The following STK32B variants were observed in gnomAD, a reference collection of about 807,000 sequenced individuals.
The protein encoded by STK32B is serine/threonine-protein kinase 32B.
In STK32B, 43 loss-of-function variants were observed where a neutral mutation model predicts 52.6. The observed-to-expected ratio is 0.82, with a 90% CI of 0.64 to 1.05. The LOEUF (loss-of-function observed/expected upper bound fraction) is 1.05, where lower values mean the gene tolerates loss of function less well. STK32B is among the 50% of genes least tolerant of loss of function. STK32B has a pLI of 0.00. For synonymous variants in STK32B, 238 were observed against 204.3 expected (o/e 1.17, Z -1.41); for missense variants, 621 against 534.6 (o/e 1.16, Z -1.59).
intron 3 of STK32B, among the ~76,000 whole-genome samples, chr4:5,328,020 C>T (rs1325250915): frequency 2.0e-5 from 3 of 152,162 alleles, no homozygotes; most frequent in African/African-American, 4.8e-5. Context: ...CTGGAGATGG[C>T]GTCTTTTCTT....
At chr4:5,422,279 T>C (rs1212107866) in intron 6 of STK32B, among the ~76,000 whole-genome samples, 2 of 152,196 alleles carry the variant, frequency 1.3e-5, no homozygotes, top group Non-Finnish European at 2.9e-5. Context: ...AAGTCAAATC[T>C]TGCAGCTCCT....
intron 4 of STK32B, among the ~76,000 whole-genome samples, chr4:5,379,317 C>T (rs1163183257): frequency 6.6e-6 from 1 of 152,124 alleles, no homozygotes; most frequent in Non-Finnish European, 1.5e-5. Flanking sequence ...ATGGCCCACA[C>T]TCTCCAGCAG....
chr4:5,407,902 G>T (rs1737783307), intron 5 of STK32B, among the ~76,000 whole-genome samples: 1 of 152,118 alleles, frequency 6.6e-6, no homozygotes, highest in African/African-American at 2.4e-5. Flanking sequence ...ATTAGGTCAT[G>T]AGGGTGGAAC....
intron 1 of STK32B, among the ~76,000 whole-genome samples, chr4:5,098,680 T>C (rs1713533658): frequency 6.6e-6 from 1 of 152,232 alleles, no homozygotes; most frequent in South Asian, 2.1e-4. Flanking sequence ...ATGATTCTAA[T>C]ATCCAGTTTC....
At chr4:5,356,388 G>A (rs191257631) in intron 4 of STK32B, among the ~76,000 whole-genome samples, 23 of 152,220 alleles carry the variant, frequency 1.5e-4, no homozygotes, top group African/African-American at 5.5e-4. Flanking sequence ...AATACGCTAT[G>A]TCCAAATAAG....
chr4:5,150,586 T>C (rs1316378864), intron 2 of STK32B, among the ~76,000 whole-genome samples: 1 of 150,848 alleles, frequency 6.6e-6, no homozygotes, highest in Non-Finnish European at 1.5e-5. Context: ...TTTTTTTTTC[T>C]TAACTGGACT....
chr4:5,141,951 C>A (rs1178853162), intron 2 of STK32B, among the ~76,000 whole-genome samples: 1 of 151,338 alleles, frequency 6.6e-6, no homozygotes, highest in South Asian at 2.1e-4. Context: ...AGAAGGACTT[C>A]CCCCCTGGAA....
chr4:5,213,019 A>G (rs1352188095), intron 3 of STK32B, among the ~76,000 whole-genome samples: 1 of 152,198 alleles, frequency 6.6e-6, no homozygotes, highest in East Asian at 1.9e-4. Flanking sequence ...ATCAGCATGA[A>G]TTCACTTAGT....
At chr4:5,367,917 G>C (rs2109007502) in intron 4 of STK32B, among the ~76,000 whole-genome samples, 1 of 152,180 alleles carries the variant, frequency 6.6e-6, no homozygotes, top group Non-Finnish European at 1.5e-5. Context: ...TCGCCGCCCA[G>C]GGGTGGCTTA....
At chr4:5,405,089 A>T (rs1168171394) in intron 5 of STK32B, among the ~76,000 whole-genome samples, 1 of 151,562 alleles carries the variant, frequency 6.6e-6, no homozygotes, top group African/African-American at 2.4e-5. Flanking sequence ...GATGGTCTCA[A>T]TCTCTTGACC....
rs1189389456 is a variant in STK32B at position 5,500,144 on chromosome 4, A to ATGTT, written c.*1062_*1065dup. On this transcript the variant is annotated 3_prime_UTR_variant, in exon 12 of 12. Transcript: ENST00000282908. Reference sequence around the variant, plus strand: ...GAGAAGCTTGCCTTTGAACTGGAAGATGTTGGGATGAGCAGGGAAAGCTTA... The same window carrying ATGTT: ...GAGAAGCTTGCCTTTGAACTGGAAGATGTTTGTTGGGATGAGCAGGGAAAGCTTA... 6.6e-6 allele frequency: 1 copy of ATGTT among 152,212 alleles called. No individual in the cohort carries two copies. Among genetic ancestry groups the ATGTT allele is most frequent in the Admixed American group, 6.5e-5 (1 of 15,280 alleles). The allele number at this position is 152,212 out of a possible 1,614,324, so 9.4% of individuals were successfully genotyped here.
chr4:5,164,561 C>T (rs555413779), intron 2 of STK32B, among the ~76,000 whole-genome samples: 1 of 152,352 alleles, frequency 6.6e-6, no homozygotes, highest in East Asian at 1.9e-4. Flanking sequence ...TTATTTCTCC[C>T]AGTTCTAGAG....
chr4:5,312,229 A>C (rs1212909659), intron 3 of STK32B, among the ~76,000 whole-genome samples: 2 of 150,250 alleles, frequency 1.3e-5, no homozygotes, highest in South Asian at 4.2e-4. Flanking sequence ...TTTTTCTAGA[A>C]GCTTTATGGT....
intron 2 of STK32B, among the ~76,000 whole-genome samples, chr4:5,158,539 T>G (rs3890337): frequency 0.22 from 34,175 of 152,098 alleles, 4,827 homozygotes; most frequent in East Asian, 0.31. Context: ...GATCCTCTTT[T>G]AAAACAGCTC....
chr4:5,063,406 G>A (rs918432864), intron 1 of STK32B, among the ~76,000 whole-genome samples: 3 of 151,976 alleles, frequency 2.0e-5, no homozygotes, highest in Non-Finnish European at 2.9e-5. Context: ...GCAGTGGTGC[G>A]ATCTTGGCTC....
intron 3 of STK32B, among the ~76,000 whole-genome samples, chr4:5,175,983 C>T (rs187533714): frequency 6.6e-5 from 10 of 152,228 alleles, no homozygotes; most frequent in South Asian, 4.1e-4. Context: ...TGTTTACCTA[C>T]GCAAGCCTTG....
intron 2 of STK32B, among the ~76,000 whole-genome samples, chr4:5,161,262 G>A (rs1349183810): frequency 2.0e-5 from 3 of 152,200 alleles, no homozygotes; most frequent in African/African-American, 7.2e-5. Context: ...GCCCACATGG[G>A]ATTTATGTGC....
chr4:5,277,514 G>A (rs1396367316), intron 3 of STK32B, among the ~76,000 whole-genome samples: 1 of 152,058 alleles, frequency 6.6e-6, no homozygotes, highest in Non-Finnish European at 1.5e-5. Context: ...CTGATTCTTT[G>A]TTTGCTTATG....
chr4:5,390,714 G>T lies in STK32B; in HGVS notation c.435-7493G>T, dbSNP rs565109650. Among the ~76,000 whole-genome samples the T allele has an allele frequency of 1.4e-4, 21 of 152,238 alleles. No individual in the cohort carries two copies. The South Asian group carries it at 4.1e-3, about 30-fold the overall frequency. On this transcript the variant is annotated intron_variant, in intron 4 of 11. Transcript: ENST00000282908. Reference sequence around the variant, plus strand: ...TCAGAGGAGGTCTTTAAGTAGCACAGACTGGATGGCTTTAATCAACAGAAG... The same window carrying T: ...TCAGAGGAGGTCTTTAAGTAGCACATACTGGATGGCTTTAATCAACAGAAG...
Sources: gnomAD v4.1 joint callset for allele counts (sites outside exome capture counted in the v4.1 genomes callset) on GRCh38, gnomAD v4.1.1 for gene constraint, MANE v1.5 for transcripts, NCBI Gene and HGNC (gene_info 2026-07-23, HGNC 2026-07-21) for gene names.